The following CFAP54 variants were observed in gnomAD, a reference collection of about 807,000 sequenced individuals.
CFAP54 encodes cilia- and flagella-associated protein 54.
Under a neutral mutation model 370.4 loss-of-function variants are expected in CFAP54, and 290 were observed. The ratio of observed to expected loss-of-function variants is 0.78; its 90% CI spans 0.71 to 0.86. CFAP54 has a LOEUF of 0.86. CFAP54 is among the 40% of genes least tolerant of loss of function. The pLI is 0.00. For missense variants in CFAP54, 3,399 were observed against 3,528.7 expected (o/e 0.96, Z 0.93); for synonymous variants, 1,206 against 1,236.5 (o/e 0.98, Z 0.52).
At position 96,621,665 on chromosome 12, in the gene CFAP54, C is replaced by T; in HGVS notation, c.3715C>T (p.Pro1239Ser). 6.5e-7 allele frequency: 1 copy of T among 1,528,974 alleles called. No individual in the cohort carries two copies. The highest frequency in any genetic ancestry group is 1.2e-5 in the South Asian group (1 of 82,776). The allele number at this position is 1,528,974 out of a possible 1,614,324, so 94.7% of individuals were successfully genotyped here. A position where few individuals can be genotyped will look rare whatever the true frequency, so the allele number is the denominator to read the frequency against. ...TGGGAAAAAAATGTTGGACATCACA[C>T]CAGGATGCAAGTCTCTGTTTGATGG... ...NYGKKMLDIT[P>S]GCKSLFDGSN... The change falls in exon 27 of 68, where the codon CCA (proline) becomes TCA (serine). Residue 1239 changes from proline (P) to serine (S), a missense_variant. This residue lies in a region of CFAP54 where 2,796 missense variants were observed against 2,869.7 expected (regional missense o/e 0.97). Transcript: ENST00000524981.
chr12:96,777,374 T>C (rs1227282965), intron 60 of CFAP54, among the ~76,000 whole-genome samples: 1 of 151,220 alleles, frequency 6.6e-6, no homozygotes, highest in African/African-American at 2.4e-5. Flanking sequence ...GAGATGGAGT[T>C]TTGCTCTTGT....
At chr12:96,621,895 T>G (rs944847927) in intron 27 of CFAP54, among the ~76,000 whole-genome samples, 174 bp downstream of exon 27, 11 of 137,990 alleles carry the variant, frequency 8.0e-5, no homozygotes, top group South Asian at 4.9e-4. Context: ...TTTTTTTTTT[T>G]TTTTTTTTTT....
chr12:96,611,749 C>T (rs759936261), intron 26 of CFAP54, among the ~76,000 whole-genome samples: 12 of 152,158 alleles, frequency 7.9e-5, no homozygotes, highest in Non-Finnish European at 1.6e-4. Flanking sequence ...GCACAACCTT[C>T]AGTAGTCGAT....
chr12:96,790,608 TG>T (rs1481352092), intron 62 of CFAP54, among the ~76,000 whole-genome samples: 2 of 152,214 alleles, frequency 1.3e-5, no homozygotes, highest in African/African-American at 4.8e-5. Context: ...TCAGAACCTC[TG>T]AAAATCACTC....
chr12:96,682,372 ATTT>A, intron 40 of CFAP54: 2 of 778,046 alleles, frequency 2.6e-6, no homozygotes, highest in Non-Finnish European at 3.1e-6. Context: ...TTTTCTTTAA[ATTT>A]TTTTTTTTTT....
intron 39 of CFAP54, among the ~76,000 whole-genome samples, chr12:96,678,181 C>T (rs940862610): frequency 3.3e-5 from 5 of 152,162 alleles, no homozygotes; most frequent in African/African-American, 1.2e-4. Flanking sequence ...CTACTCCTGA[C>T]CATTTTTAAG....
At chr12:96,644,529 A>G (rs1185278992) in intron 33 of CFAP54, 121 bp downstream of exon 33, 3 of 690,336 alleles carry the variant, frequency 4.3e-6, no homozygotes, top group Non-Finnish European at 2.4e-6. Context: ...TTCTATCTTT[A>G]TACTGGCTCT....
chr12:96,515,709 G>A (rs1450769385), intron 5 of CFAP54, among the ~76,000 whole-genome samples: 1 of 152,076 alleles, frequency 6.6e-6, no homozygotes, highest in Non-Finnish European at 1.5e-5. Context: ...ATCTAGGCAT[G>A]ATGGCTAGCT....
In CFAP54 at chr12:96,503,987, C is replaced by G; in HGVS notation, c.525C>G (p.Thr175=). ...TGGATGTAACTCAATTCAAAGCTAC[C>G]TTTTTCCCAAAAGGCTTTAAAGATA... ...NKVDVTQFKA[T]FFPKGFKDKT... Residue 175 remains threonine, a synonymous_variant, in exon 3 of 68, where the codon ACC becomes ACG. Transcript: ENST00000524981. The G allele has an allele frequency of 6.6e-7, 1 of 1,523,466 alleles. No individual in the cohort carries two copies. The highest frequency in any genetic ancestry group is 8.8e-7 in the Non-Finnish European group (1 of 1,142,492). 94.4% of individuals were successfully genotyped at this position (1,523,466 alleles called of 1,614,324 possible).
intron 50 of CFAP54, 98 bp from the exon 51 acceptor site, chr12:96,739,858 G>A (rs969811582): frequency 2.8e-6 from 2 of 706,724 alleles, no homozygotes; most frequent in African/African-American, 1.8e-5. Flanking sequence ...TGTTGGCTGG[G>A]GTGTGAGAAT....
At position 96,527,279 on chromosome 12, in the gene CFAP54, C is replaced by T. The variant is rs780986663; in HGVS notation, c.1192C>T (p.Leu398=). ...SWPRTVTERL[L]DEMFDSTASQ... ...GCCACGAACTGTCACAGAGCGGCTACTGGATGAGATGTTTGATAGCACTGC... is the reference window on the plus strand; with the variant it reads ...GCCACGAACTGTCACAGAGCGGCTATTGGATGAGATGTTTGATAGCACTGC... The change falls in exon 9 of 68, where the codon CTG becomes TTG. Residue 398 remains leucine (L), a synonymous_variant. Transcript: ENST00000524981. The T allele has an allele frequency of 6.5e-7, 1 of 1,529,976 alleles. No individual in the cohort carries two copies. Among genetic ancestry groups the T allele is most frequent in the South Asian group, 1.2e-5 (1 of 82,414 alleles). 94.8% of individuals were successfully genotyped at this position (1,529,976 alleles called of 1,614,324 possible). A position where few individuals can be genotyped will look rare whatever the true frequency, so the allele number is the denominator to read the frequency against.
intron 14 of CFAP54, among the ~76,000 whole-genome samples, chr12:96,545,118 G>T (rs1955624082): frequency 6.6e-6 from 1 of 151,966 alleles, no homozygotes; most frequent in African/African-American, 2.4e-5. Context: ...TCACCATGTT[G>T]GCCAGGCTGG....
intron 50 of CFAP54, among the ~76,000 whole-genome samples, chr12:96,738,524 G>GTGCA (rs550981788): frequency 3.9e-5 from 6 of 151,904 alleles, no homozygotes; most frequent in African/African-American, 1.5e-4. Context: ...CGGCTTGTAG[G>GTGCA]TGCATCAGTC....
chr12:96,696,791 A>G (rs1180047567), intron 45 of CFAP54, among the ~76,000 whole-genome samples: 1 of 152,154 alleles, frequency 6.6e-6, no homozygotes, highest in Non-Finnish European at 1.5e-5. Flanking sequence ...AGGACAAATG[A>G]TGGATTATAC....
chr12:96,514,542 G>A (rs533816740), intron 5 of CFAP54, among the ~76,000 whole-genome samples: 9 of 152,286 alleles, frequency 5.9e-5, no homozygotes, highest in East Asian at 1.9e-4. Flanking sequence ...CTCTGGTTGC[G>A]CTTGGTGTAA....
At chr12:96,761,582 T>A (rs1958339809) in intron 58 of CFAP54, among the ~76,000 whole-genome samples, 1 of 152,186 alleles carries the variant, frequency 6.6e-6, no homozygotes, top group African/African-American at 2.4e-5. Flanking sequence ...AAGATTTTCT[T>A]ATATGTTTTC....
Position 96,756,500 on chromosome 12 carries a change from G to A in CFAP54, c.7883G>A (p.Ser2628Asn), listed in dbSNP as rs1274194968. 4 of 1,604,146 alleles carry A rather than the reference G, an allele frequency of 2.5e-6. No individual in the cohort carries two copies. The highest frequency in any genetic ancestry group is 4.5e-5 in the East Asian group (2 of 44,790). The change falls in exon 57 of 68, where the codon AGT becomes AAT. Residue 2628 changes from serine to asparagine, a missense_variant. Physicochemically the swap from Ser to Asn is conservative, Grantham distance 46 (BLOSUM62 1). Transcript: ENST00000524981. Reference protein sequence around the residue: ...RQILMEEKSPSFQLESLYEAI... With the variant: ...RQILMEEKSPNFQLESLYEAI... ...ATACTAATGGAAGAGAAATCTCCAA[G>A]TTTTCAACTTGAGAGTTTATATGAA...
chr12:96,765,803 T>G (rs945937243), intron 60 of CFAP54, among the ~76,000 whole-genome samples: 1 of 152,262 alleles, frequency 6.6e-6, no homozygotes, highest in African/African-American at 2.4e-5. Context: ...ACTGCAATAC[T>G]GTTTATGTTT....
chr12:96,515,345 G>A (rs974402047), intron 5 of CFAP54, among the ~76,000 whole-genome samples: 6 of 152,008 alleles, frequency 3.9e-5, no homozygotes, highest in African/African-American at 1.4e-4. Context: ...CAGTCTTGTG[G>A]GATGGGGATG....
Sources: gnomAD v4.1 joint callset for allele counts (sites outside exome capture counted in the v4.1 genomes callset) on GRCh38, gnomAD v4.1.1 for gene constraint, gnomAD v4.1.1 regional missense constraint, MANE v1.5 for transcripts, NCBI Gene and HGNC (gene_info 2026-07-23, HGNC 2026-07-21) for gene names.